OXR1: variants seen among roughly 807,000 people sequenced by gnomAD.
The protein encoded by OXR1 is oxidation resistance 1, also known as oxidation resistance protein 1.
OXR1 carries 41 observed loss-of-function variants against 104.6 expected under a neutral mutation model. That is an observed-to-expected ratio of 0.39 (90% CI 0.31 to 0.51). The LOEUF (loss-of-function observed/expected upper bound fraction) is 0.51. Ranked by LOEUF, OXR1 falls within the 20% of genes least tolerant of loss-of-function variation. OXR1 has a pLI of 0.77. For missense variants in OXR1, 955 were observed against 1,031.9 expected, an observed-to-expected ratio of 0.93 and a Z score of 1.02; for synonymous variants, 348 against 348.4, an observed-to-expected ratio of 1.00 and a Z score of 0.01.
At chr8:106,710,529 A>G in intron 9 of OXR1, 93 bp from the exon 10 acceptor site, 1 of 731,486 alleles carries the variant, frequency 1.4e-6, no homozygotes, top group Non-Finnish European at 2.1e-6. Flanking sequence ...TTATTCTGTA[A>G]CTATTTGTCA....
intron 1 of OXR1, among the ~76,000 whole-genome samples, chr8:106,329,211 T>C (rs11984914): frequency 0.34 from 51,451 of 151,242 alleles, 11,224 homozygotes; most frequent in African/African-American, 0.63. Context: ...AGGCTGATCT[T>C]AAACTCCTGA....
Position 106,568,803 on chromosome 8 carries a change from A to G in OXR1, c.220+49664A>G, listed in dbSNP as rs1028224764. On this transcript the variant is annotated intron_variant, in intron 3 of 16. Transcript: ENST00000517566. Reference sequence around the variant, plus strand: ...TTATTTGTTCATTATACAAAATACTAGAAAATAAATAAATGTAAGACATTA... The same window carrying G: ...TTATTTGTTCATTATACAAAATACTGGAAAATAAATAAATGTAAGACATTA... Among the ~76,000 whole-genome samples, 19 of 152,292 alleles carry G rather than the reference A, an allele frequency of 1.2e-4. 1 individual carries two copies. Among genetic ancestry groups the G allele is most frequent in the African/African-American group, 4.6e-4 (19 of 41,564 alleles).
chr8:106,687,956 A>G (rs1260213254), intron 6 of OXR1, among the ~76,000 whole-genome samples: 1 of 152,168 alleles, frequency 6.6e-6, no homozygotes, highest in Non-Finnish European at 1.5e-5. Flanking sequence ...CTCTTGCCCA[A>G]TAAATAATTG....
Position 106,370,738 on chromosome 8 carries a change from G to C in OXR1, c.23+11102G>C, listed in dbSNP as rs116350452. Among the ~76,000 whole-genome samples the C allele has an allele frequency of 9.3e-3, 1,415 of 152,240 alleles. 21 individuals carry two copies. Among genetic ancestry groups the C allele is most frequent in the African/African-American group, 0.031 (1,303 of 41,544 alleles). On this transcript the variant is annotated intron_variant, in intron 2 of 16. Transcript: ENST00000517566. ...ATGTTGAACTAGACTTGCTTCCAAGGGATGAACCCAACTTGATCATTGTGG... is the reference window on the plus strand; with the variant it reads ...ATGTTGAACTAGACTTGCTTCCAAGCGATGAACCCAACTTGATCATTGTGG...
chr8:106,472,884 C>G (rs1183886860), intron 2 of OXR1, among the ~76,000 whole-genome samples: 2 of 151,742 alleles, frequency 1.3e-5, no homozygotes, highest in East Asian at 3.9e-4. Flanking sequence ...TCTTCTTAAC[C>G]TTATACTCTT....
intron 11 of OXR1, among the ~76,000 whole-genome samples, chr8:106,736,215 C>CTT (rs1318167621): frequency 2.1e-5 from 3 of 141,664 alleles, no homozygotes; most frequent in Non-Finnish European, 4.6e-5. Flanking sequence ...CTTCTGGTTT[C>CTT]TAAGTACAGA....
At chr8:106,301,063 G>T (rs1174641418) in intron 1 of OXR1, among the ~76,000 whole-genome samples, 1 of 152,182 alleles carries the variant, frequency 6.6e-6, no homozygotes, top group African/African-American at 2.4e-5. Flanking sequence ...GTGATAAAAC[G>T]CACGTCATAT....
intron 1 of OXR1, among the ~76,000 whole-genome samples, chr8:106,331,397 T>C (rs1814707716): frequency 6.6e-6 from 1 of 152,204 alleles, no homozygotes; most frequent in Non-Finnish European, 1.5e-5. Context: ...TAATTTGTCA[T>C]TGAAACACTT....
intron 1 of OXR1, among the ~76,000 whole-genome samples, chr8:106,286,750 T>C (rs1812518252): frequency 6.6e-6 from 1 of 152,214 alleles, no homozygotes; most frequent in Non-Finnish European, 1.5e-5. Flanking sequence ...ATGGATACAT[T>C]TATTTCTCAT....
At chr8:106,372,567 T>A (rs1816755018) in intron 2 of OXR1, among the ~76,000 whole-genome samples, 1 of 152,096 alleles carries the variant, frequency 6.6e-6, no homozygotes, top group Non-Finnish European at 1.5e-5. Flanking sequence ...ATGCCGCAAA[T>A]GAAAAATTTT....
At chr8:106,469,042 G>A (rs533147792) in intron 2 of OXR1, among the ~76,000 whole-genome samples, 32 of 151,672 alleles carry the variant, frequency 2.1e-4, no homozygotes, top group African/African-American at 7.7e-4. Context: ...TGTTGTGTGT[G>A]TGTGTAGTAT....
intron 6 of OXR1, among the ~76,000 whole-genome samples, chr8:106,692,504 A>G (rs1477364880): frequency 6.6e-6 from 1 of 152,078 alleles, no homozygotes; most frequent in Non-Finnish European, 1.5e-5. Context: ...AAAAATCACT[A>G]TAAATGTAAG....
Position 106,716,548 on chromosome 8 carries a change from C to T in OXR1, c.1956+2563C>T, listed in dbSNP as rs534024432. ...CTGAGGCAGGAGAATGGCGTGAACCCGGGAAGCGGAGCTTGCAGTGAGCCG... is the reference window on the plus strand; with the variant it reads ...CTGAGGCAGGAGAATGGCGTGAACCTGGGAAGCGGAGCTTGCAGTGAGCCG... On this transcript the variant is annotated intron_variant, in intron 11 of 16. Transcript: ENST00000517566. 1.2e-3 allele frequency among the ~76,000 whole-genome samples: 58 copies of T among 49,060 alleles called. 15 individuals are homozygous for T. The highest frequency in any genetic ancestry group is 6.2e-3 in the African/African-American group (51 of 8,196). 32.2% of individuals were successfully genotyped at this position (49,060 alleles called of 152,430 possible).
intron 3 of OXR1, among the ~76,000 whole-genome samples, chr8:106,579,048 T>C (rs1379137547): frequency 1.3e-5 from 2 of 150,344 alleles, no homozygotes; most frequent in African/African-American, 2.5e-5. Flanking sequence ...TATTGCTGAC[T>C]GGGAATGTCC....
chr8:106,660,162 A>G (rs1586990922), intron 3 of OXR1, among the ~76,000 whole-genome samples: 1 of 152,222 alleles, frequency 6.6e-6, no homozygotes, highest in Non-Finnish European at 1.5e-5. Flanking sequence ...TTTGGAGCAG[A>G]ATTAGTGAAA....
At chr8:106,440,382 TG>T (rs1422917034) in intron 2 of OXR1, among the ~76,000 whole-genome samples, 4 of 152,118 alleles carry the variant, frequency 2.6e-5, no homozygotes, top group African/African-American at 9.7e-5. Context: ...AATGAAAATG[TG>T]ATGTTTTTTC....
At chr8:106,612,979 G>A (rs1265897584) in intron 3 of OXR1, among the ~76,000 whole-genome samples, 5 of 152,040 alleles carry the variant, frequency 3.3e-5, no homozygotes, top group Non-Finnish European at 5.9e-5. Flanking sequence ...TCTGCAACAC[G>A]TGCTTTCAGG....
intron 9 of OXR1, chr8:106,707,715 G>A (rs1446946376): frequency 6.4e-6 from 1 of 155,640 alleles, no homozygotes; most frequent in African/African-American, 2.4e-5. Context: ...GTTTACTTCT[G>A]AAAATTACAC....
intron 2 of OXR1, among the ~76,000 whole-genome samples, chr8:106,400,508 A>G (rs887711101): frequency 6.6e-6 from 1 of 152,092 alleles, no homozygotes; most frequent in African/African-American, 2.4e-5. Flanking sequence ...ATTCCTTCCA[A>G]TCAGTTTCCT....
Sources: gnomAD v4.1 joint callset for allele counts (sites outside exome capture counted in the v4.1 genomes callset) on GRCh38, gnomAD v4.1.1 for gene constraint, MANE v1.5 for transcripts, NCBI Gene and HGNC (gene_info 2026-07-23, HGNC 2026-07-21) for gene names.